The following SHROOM4 variants were observed in gnomAD, a reference collection of about 807,000 sequenced individuals.
The protein encoded by SHROOM4 is protein Shroom4.
A neutral mutation model predicts 80.3 loss-of-function variants in SHROOM4; 17 were observed. That is an observed-to-expected ratio of 0.21 (90% CI 0.14 to 0.32). The LOEUF is 0.32. SHROOM4 is among the 10% of genes least tolerant of loss of function. The pLI, the probability that SHROOM4 is intolerant of heterozygous loss-of-function variation, is 1.00. For synonymous variants in SHROOM4, 400 were observed against 437.5 expected, an observed-to-expected ratio of 0.91 and a Z score of 1.07; for missense variants, 993 against 1,140.3, an observed-to-expected ratio of 0.87 and a Z score of 1.86.
chrX:50,577,394 A>G, the SHROOM4 span, among the ~76,000 whole-genome samples: 2 of 112,562 alleles, frequency 1.8e-5, no homozygotes, highest in African/African-American at 6.5e-5. Flanking sequence ...TAAACAGCCA[A>G]TTGCTGAAAG....
Position 50,640,337 on chromosome X carries a change from G to A in SHROOM4, c.270-2029C>T, listed in dbSNP as rs186430872. ...TCTCCCTAACCATCCAATCCCACACGGAGTTCTACTGAGTCTTTTTTTTAT... is the reference window on the plus strand; with the variant it reads ...TCTCCCTAACCATCCAATCCCACACAGAGTTCTACTGAGTCTTTTTTTTAT... On this transcript the variant is annotated intron_variant, in intron 2 of 8. Transcript: ENST00000376020. 3.5e-3 allele frequency among the ~76,000 whole-genome samples: 382 copies of A among 110,187 alleles called. 1 individual carries two copies. Among genetic ancestry groups the A allele is most frequent in the Non-Finnish European group, 5.5e-3 (288 of 52,767 alleles).
At chrX:50,647,374 G>A (rs1333521540) in intron 2 of SHROOM4, among the ~76,000 whole-genome samples, 2 of 111,353 alleles carry the variant, frequency 1.8e-5, no homozygotes, top group Admixed American at 9.5e-5. Context: ...GAAGTTAAGG[G>A]TGCAACACCA....
intron 5 of SHROOM4, among the ~76,000 whole-genome samples, chrX:50,623,061 G>A (rs1557252267): frequency 8.9e-6 from 1 of 112,101 alleles, no homozygotes; most frequent in Non-Finnish European, 1.9e-5. Context: ...TGATACTGAG[G>A]TTGCTGGGCC....
chrX:50,706,880 T>C (rs145465734), intron 1 of SHROOM4, among the ~76,000 whole-genome samples: 3,397 of 111,701 alleles, frequency 0.03, 121 homozygotes, highest in African/African-American at 0.1. Flanking sequence ...ATGGCAATAA[T>C]AACTTGTATC....
chrX:50,768,279 G>A (rs375749874), intron 1 of SHROOM4, among the ~76,000 whole-genome samples: 10 of 111,773 alleles, frequency 8.9e-5, no homozygotes, highest in Non-Finnish European at 1.9e-4. Flanking sequence ...CACATTAAAA[G>A]CATTTCAAAA....
intron 2 of SHROOM4, among the ~76,000 whole-genome samples, chrX:50,674,063 C>A (rs1557261081): frequency 1.8e-5 from 2 of 109,974 alleles, no homozygotes; most frequent in Admixed American, 9.8e-5. Flanking sequence ...GGTATGCATG[C>A]TAAAAACCAC....
At chrX:50,695,252 G>A (rs1197061730) in intron 2 of SHROOM4, among the ~76,000 whole-genome samples, 8 of 111,750 alleles carry the variant, frequency 7.2e-5, no homozygotes, top group African/African-American at 2.6e-4. Flanking sequence ...AGCAATTTTT[G>A]TCTGAACAAT....
In SHROOM4 at chrX:50,596,657, T is replaced by C. The variant is rs201289295; in HGVS notation, c.*38A>G. The C allele has an allele frequency of 7.5e-6, 9 of 1,202,923 alleles. No homozygotes were observed. Among genetic ancestry groups the C allele is most frequent in the Non-Finnish European group, 7.8e-6 (7 of 894,218 alleles). On this transcript the variant is annotated 3_prime_UTR_variant, in exon 9 of 9. Coordinates refer to ENST00000376020, the MANE Select transcript of SHROOM4 (RefSeq NM_020717.5). ...AAGAAGATTGAAAGCACTTCCCACA[T>C]GGCTGGGCAGGGATGCTGTGGCAGA...
intron 1 of SHROOM4, among the ~76,000 whole-genome samples, chrX:50,742,165 G>A (rs1269658469): frequency 9.1e-6 from 1 of 109,434 alleles, no homozygotes; most frequent in Non-Finnish European, 1.9e-5. Flanking sequence ...CCCCTGCTTT[G>A]TGCTATTATT....
chrX:50,679,870 C>T (rs1010724835), intron 2 of SHROOM4, among the ~76,000 whole-genome samples: 1 of 111,853 alleles, frequency 8.9e-6, no homozygotes, highest in African/African-American at 3.2e-5. Flanking sequence ...CTAGCTAACA[C>T]TCTTATTTTT....
At chrX:50,791,491 G>A (rs1935849572) in intron 1 of SHROOM4, among the ~76,000 whole-genome samples, 1 of 106,760 alleles carries the variant, frequency 9.4e-6, no homozygotes, top group Admixed American at 1.0e-4. Flanking sequence ...AAGGCTCACT[G>A]CAGCCTTGAT....
intron 1 of SHROOM4, among the ~76,000 whole-genome samples, chrX:50,801,736 A>G (rs1185824174): frequency 2.7e-5 from 3 of 112,020 alleles, no homozygotes; most frequent in Non-Finnish European, 3.8e-5. Flanking sequence ...GAAGTTAGCA[A>G]GCAGGCGCTT....
At chrX:50,647,881 C>T (rs1931898367) in intron 2 of SHROOM4, among the ~76,000 whole-genome samples, 1 of 112,008 alleles carries the variant, frequency 8.9e-6, no homozygotes, top group Non-Finnish European at 1.9e-5. Flanking sequence ...TCAGGAGGAG[C>T]CAAGACCCAG....
intron 2 of SHROOM4, among the ~76,000 whole-genome samples, chrX:50,678,437 C>T (rs1351483580): frequency 5.4e-5 from 6 of 111,734 alleles, no homozygotes; most frequent in African/African-American, 1.6e-4. Context: ...CCCACCATAA[C>T]TTCTAGCCAT....
intron 2 of SHROOM4, among the ~76,000 whole-genome samples, chrX:50,682,146 A>G (rs999222169): frequency 8.9e-6 from 1 of 112,323 alleles, no homozygotes; most frequent in African/African-American, 3.2e-5. Flanking sequence ...TATAAAGCAT[A>G]TAAAGTACCT....
intron 1 of SHROOM4, among the ~76,000 whole-genome samples, chrX:50,813,414 C>G (rs1284746670): frequency 1.8e-5 from 2 of 112,051 alleles, no homozygotes; most frequent in Admixed American, 9.4e-5. Context: ...GCCTCATCTC[C>G]GTTCCCACAC....
rs782708874 is a variant in SHROOM4 at position 50,594,028 on chromosome X, G to A, written c.*2667C>T. On this transcript the variant is annotated 3_prime_UTR_variant, in exon 9 of 9. Transcript: ENST00000376020. Reference sequence around the variant, plus strand: ...AACTCATGCACTGACTTCTCTATCAGCCATCATGCTTGCCTATTACCCATG... The same window carrying A: ...AACTCATGCACTGACTTCTCTATCAACCATCATGCTTGCCTATTACCCATG... 3.6e-5 allele frequency: 4 copies of A among 111,966 alleles called. No individual in the cohort carries two copies. In the East Asian group the frequency reaches 1.1e-3, roughly 31 times the overall value. The allele number at this position is 111,966 out of a possible 1,213,427, so 9.2% of individuals were successfully genotyped here.
At chrX:50,786,669 A>G (rs782175214) in intron 1 of SHROOM4, among the ~76,000 whole-genome samples, 78 of 111,791 alleles carry the variant, frequency 7.0e-4, no homozygotes, top group African/African-American at 2.4e-3. Context: ...CTTCTCCTGT[A>G]TAAGGCTAGG....
At chrX:50,801,260 AG>A (rs369348347) in intron 1 of SHROOM4, among the ~76,000 whole-genome samples, 1 of 33,050 alleles carries the variant, frequency 3.0e-5, no homozygotes, top group African/African-American at 9.2e-5. Context: ...AGAGAGAAAG[AG>A]GAGAGAGAGA....
Sources: gnomAD v4.1 joint callset for allele counts (sites outside exome capture counted in the v4.1 genomes callset) on GRCh38, gnomAD v4.1.1 for gene constraint, MANE v1.5 for transcripts, NCBI Gene and HGNC (gene_info 2026-07-23, HGNC 2026-07-21) for gene names.